The following GADL1 variants were observed in gnomAD, a reference collection of about 807,000 sequenced individuals.
GADL1 encodes GAD like acidic amino acid decarboxylase 1, also known as acidic amino acid decarboxylase GADL1.
In GADL1, 71 loss-of-function variants were observed where a neutral mutation model predicts 69.5. The ratio of observed to expected loss-of-function variants is 1.02; its 90% CI spans 0.84 to 1.25. The LOEUF (loss-of-function observed/expected upper bound fraction) is 1.25. Ranked by LOEUF, GADL1 falls within the 50% of genes most tolerant of loss-of-function variation. GADL1 has a pLI of 0.00. For missense variants in GADL1, 737 were observed against 631.8 expected, an observed-to-expected ratio of 1.17 and a Z score of -1.79; for synonymous variants, 254 against 214.4, an observed-to-expected ratio of 1.18 and a Z score of -1.62.
At chr3:30,819,459 C>G (rs1575219972) in intron 11 of GADL1, among the ~76,000 whole-genome samples, 2 of 152,084 alleles carry the variant, frequency 1.3e-5, no homozygotes, top group Admixed American at 1.3e-4. Flanking sequence ...AGGTTAAAAT[C>G]ACTTTCATAA....
At chr3:30,847,909 C>T (rs749608136) in intron 6 of GADL1, among the ~76,000 whole-genome samples, 11 of 152,144 alleles carry the variant, frequency 7.2e-5, no homozygotes, top group East Asian at 1.9e-4. Context: ...TAGGCTTCCA[C>T]GTAATATCTT....
intron 14 of GADL1, among the ~76,000 whole-genome samples, chr3:30,765,562 G>GGT (rs1241057342): frequency 1.1e-4 from 16 of 152,200 alleles, no homozygotes; most frequent in African/African-American, 3.4e-4. Context: ...TTGCTTCATG[G>GGT]GTGTGCAACC....
At chr3:30,753,885 C>T (rs1441318668) in intron 14 of GADL1, among the ~76,000 whole-genome samples, 1 of 152,126 alleles carries the variant, frequency 6.6e-6, no homozygotes, top group East Asian at 1.9e-4. Flanking sequence ...GTGGACCCTG[C>T]AAATGAGGTA....
intron 14 of GADL1, among the ~76,000 whole-genome samples, chr3:30,764,159 T>C (rs941112786): frequency 2.6e-5 from 3 of 117,016 alleles, no homozygotes; most frequent in East Asian, 2.2e-4. Context: ...CTGAAGTGAT[T>C]TTATACTTAA....
intron 14 of GADL1, among the ~76,000 whole-genome samples, chr3:30,776,647 G>T (rs569363745): frequency 3.9e-5 from 6 of 152,304 alleles, no homozygotes; most frequent in African/African-American, 1.2e-4. Flanking sequence ...TGAATAAACA[G>T]AAAATGACCT....
At chr3:30,820,542 C>A (rs901200327) in intron 11 of GADL1, among the ~76,000 whole-genome samples, 3 of 152,102 alleles carry the variant, frequency 2.0e-5, no homozygotes, top group Non-Finnish European at 4.4e-5. Context: ...GTTTTTCTTA[C>A]ATCAGCCTTA....
At chr3:30,863,111 C>T (rs181396273) in intron 1 of GADL1, among the ~76,000 whole-genome samples, 5 of 151,738 alleles carry the variant, frequency 3.3e-5, no homozygotes, top group Admixed American at 3.3e-4. Flanking sequence ...TCAGGGATAC[C>T]ATATTTTCCC....
intron 14 of GADL1, among the ~76,000 whole-genome samples, chr3:30,753,862 A>T (rs563465841): frequency 6.6e-6 from 1 of 152,314 alleles, no homozygotes; most frequent in East Asian, 1.9e-4. Flanking sequence ...CTCCTCACTC[A>T]ACTTTTGTTT....
chr3:30,883,387 C>T (rs1460001022), intron 1 of GADL1, among the ~76,000 whole-genome samples: 2 of 151,950 alleles, frequency 1.3e-5, no homozygotes, highest in African/African-American at 2.4e-5. Flanking sequence ...ATTCCCAGCA[C>T]CATTTATTGA....
chr3:30,815,141 A>T (rs1184660182), intron 11 of GADL1, among the ~76,000 whole-genome samples: 2 of 152,106 alleles, frequency 1.3e-5, no homozygotes, highest in African/African-American at 4.8e-5. Flanking sequence ...GCATTTGAAA[A>T]TCAAGACCCA....
intron 13 of GADL1, among the ~76,000 whole-genome samples, chr3:30,785,858 A>C (rs966054347): frequency 6.6e-6 from 1 of 152,202 alleles, no homozygotes; most frequent in African/African-American, 2.4e-5. Flanking sequence ...TTAGAAAAAA[A>C]TATTCTCTAC....
intron 11 of GADL1, among the ~76,000 whole-genome samples, chr3:30,812,489 C>T (rs559539836): frequency 6.6e-6 from 1 of 152,278 alleles, no homozygotes; most frequent in South Asian, 2.1e-4. Flanking sequence ...CTTTCTAAAA[C>T]CATCAGATCT....
In GADL1 at chr3:30,859,401, G is replaced by A. The variant is rs550802335; in HGVS notation, c.210+2192C>T. On this transcript the variant is annotated intron_variant, in intron 2 of 14. Transcript: ENST00000282538. ...GAATCTCAAATGCATTTTGTTGAGGGTAAACAGCAAGACTCAAAGCCTACT... is the reference window on the plus strand; with the variant it reads ...GAATCTCAAATGCATTTTGTTGAGGATAAACAGCAAGACTCAAAGCCTACT... Among the ~76,000 whole-genome samples, 222 of 152,012 alleles carry A rather than the reference G, an allele frequency of 1.5e-3. 1 individual carries two copies. The highest frequency in any genetic ancestry group is 0.01 in the Middle Eastern group (3 of 294).
chr3:30,753,687 A>AT, intron 14 of GADL1, among the ~76,000 whole-genome samples: 1 of 152,352 alleles, frequency 6.6e-6, no homozygotes, highest in East Asian at 1.9e-4. Flanking sequence ...TATTTAGATA[A>AT]TATGAGGAAA....
chr3:30,761,090 A>T (rs1696117145), intron 14 of GADL1, among the ~76,000 whole-genome samples: 1 of 152,030 alleles, frequency 6.6e-6, no homozygotes, highest in Admixed American at 6.5e-5. Flanking sequence ...ATCGGGTTTC[A>T]TATAGGCATT....
At chr3:30,749,813 A>T in intron 14 of GADL1, among the ~76,000 whole-genome samples, 1 of 152,190 alleles carries the variant, frequency 6.6e-6, no homozygotes, top group East Asian at 1.9e-4. Flanking sequence ...GGATAATTAG[A>T]CTTATACTCA....
intron 14 of GADL1, among the ~76,000 whole-genome samples, chr3:30,759,070 C>T (rs1696053567): frequency 1.6e-5 from 2 of 123,320 alleles, no homozygotes; most frequent in Admixed American, 1.7e-4. Flanking sequence ...GATTAAAAAT[C>T]CGTTTTTTTT....
intron 11 of GADL1, among the ~76,000 whole-genome samples, chr3:30,827,468 T>C (rs1320918980): frequency 4.0e-5 from 6 of 151,820 alleles, no homozygotes; most frequent in African/African-American, 1.4e-4. Context: ...TAAAGCAAAA[T>C]GCAAATTCCC....
At chr3:30,876,428 G>A (rs1353905326) in intron 1 of GADL1, among the ~76,000 whole-genome samples, 3 of 152,072 alleles carry the variant, frequency 2.0e-5, no homozygotes, top group South Asian at 2.1e-4. Context: ...TAAAGACGCC[G>A]ATCATGGCTA....
Sources: allele counts gnomAD v4.1 joint callset (sites outside exome capture counted in the v4.1 genomes callset), GRCh38; gene constraint gnomAD v4.1.1; transcripts MANE v1.5; gene names NCBI Gene and HGNC (gene_info 2026-07-23, HGNC 2026-07-21).